The following MYCBP2 variants were observed in gnomAD, a reference collection of about 807,000 sequenced individuals.
The protein encoded by MYCBP2 is MYC binding protein 2.
A neutral mutation model predicts 525.3 loss-of-function variants in MYCBP2; 120 were observed. The ratio of observed to expected loss-of-function variants is 0.23; its 90% CI spans 0.20 to 0.27. The LOEUF (loss-of-function observed/expected upper bound fraction) is 0.27, where lower values mean the gene tolerates loss of function less well. Ranked by LOEUF, MYCBP2 falls within the 10% of genes least tolerant of loss-of-function variation. The pLI, the probability that MYCBP2 is intolerant of heterozygous loss-of-function variation, is 1.00. For synonymous variants in MYCBP2, 1,894 were observed against 1,955.8 expected (o/e 0.97, Z 0.83); for missense variants, 4,149 against 5,657.1 (o/e 0.73, Z 8.55).
intron 1 of MYCBP2, among the ~76,000 whole-genome samples, chr13:77,311,520 T>C (rs992344951): frequency 3.3e-5 from 5 of 151,122 alleles, no homozygotes; most frequent in Non-Finnish European, 7.4e-5. Flanking sequence ...GACAACTGAA[T>C]GGAATGGAAA....
At chr13:77,052,088 G>A (rs2036938195) in intron 80 of MYCBP2, among the ~76,000 whole-genome samples, 170 bp from the exon 81 acceptor site, 1 of 152,166 alleles carries the variant, frequency 6.6e-6, no homozygotes. Flanking sequence ...CTGACTGTAT[G>A]TAGGGTGGAT....
Position 77,294,131 on chromosome 13 carries a change from C to CACATATATATATATATATATATACAT in MYCBP2, c.378+2467_378+2468insATGTATATATATATATATATATATGT, listed in dbSNP as rs1555465826. Among the ~76,000 whole-genome samples, 143 of 65,706 alleles carry CACATATATATATATATATATATACAT rather than the reference C, an allele frequency of 2.2e-3. 8 individuals are homozygous for CACATATATATATATATATATATACAT. Among genetic ancestry groups the CACATATATATATATATATATATACAT allele is most frequent in the Non-Finnish European group, 3.5e-3 (118 of 33,396 alleles). 43.1% of individuals were successfully genotyped at this position (65,706 alleles called of 152,430 possible). ...ATATATATATATATATATATATATACATATATATATACATATATATAAAAT... is the reference window on the plus strand; with the variant it reads ...ATATATATATATATATATATATATACACATATATATATATATATATATACATATATATATATACATATATATAAAAT... On this transcript the variant is annotated intron_variant, in intron 2 of 82. Transcript: ENST00000544440.
intron 1 of MYCBP2, among the ~76,000 whole-genome samples, chr13:77,324,604 T>G (rs1174284188): frequency 6.6e-6 from 1 of 152,236 alleles, no homozygotes; most frequent in East Asian, 1.9e-4. Flanking sequence ...ATAATGCTGA[T>G]TTCCATGAGT....
intron 3 of MYCBP2, among the ~76,000 whole-genome samples, chr13:77,279,296 G>C (rs2075950584): frequency 6.6e-6 from 1 of 152,138 alleles, no homozygotes. Context: ...ATTATTTATA[G>C]TTGGTATCCC....
intron 52 of MYCBP2, among the ~76,000 whole-genome samples, chr13:77,138,483 C>T (rs1400245552): frequency 6.6e-6 from 1 of 152,184 alleles, no homozygotes; most frequent in South Asian, 2.1e-4. Flanking sequence ...AAATTTTACC[C>T]GTGCTATTTA....
intron 14 of MYCBP2, among the ~76,000 whole-genome samples, chr13:77,255,456 T>C (rs1173049477): frequency 6.6e-6 from 1 of 151,924 alleles, no homozygotes; most frequent in Non-Finnish European, 1.5e-5. Flanking sequence ...GTACGCTCAA[T>C]TTTCACAAGA....
chr13:77,286,789 A>AATGTCTATATATATATAT (rs2076860501), intron 3 of MYCBP2, among the ~76,000 whole-genome samples: 1 of 42,290 alleles, frequency 2.4e-5, no homozygotes, highest in Non-Finnish European at 3.8e-5. Context: ...AAAAAAAAAA[A>AATGTCTATATATATATAT]ATATATATAT....
chr13:77,190,360 A>G (rs1365826296), intron 28 of MYCBP2, 25 bp from the exon 29 acceptor site: 1 of 1,332,430 alleles, frequency 7.5e-7, no homozygotes, highest in Non-Finnish European at 1.1e-6. Flanking sequence ...CAATGATACC[A>G]AAAACAACAT....
chr13:77,243,162 T>C lies in MYCBP2; in HGVS notation c.2528-2A>G, dbSNP rs562407682. On this transcript the variant is annotated splice_acceptor_variant, in intron 16 of 82. Coordinates refer to ENST00000544440, the MANE Select transcript of MYCBP2 (RefSeq NM_015057.5). LOFTEE classifies it high-confidence loss of function. ...TGTTAACCCCGGGCACTGGGACAGC[T>C]AGATGATTGGCCAAAAACAACAACA... 2 of 1,612,530 alleles carry C rather than the reference T, an allele frequency of 1.2e-6. No individual in the cohort carries two copies. The highest frequency in any genetic ancestry group is 2.2e-5 in the South Asian group (2 of 91,048).
In MYCBP2 at chr13:77,205,245, A is replaced by G; in HGVS notation, c.3843+11T>C. The G allele has an allele frequency of 6.4e-7, 1 of 1,559,244 alleles. No homozygotes were observed. Among genetic ancestry groups the G allele is most frequent in the Non-Finnish European group, 8.7e-7 (1 of 1,150,620 alleles). ...CAAACAAAAAAGGACAACATTGTTGATGAACTTTACCTTAATTTTAGCAGT... is the reference window on the plus strand; with the variant it reads ...CAAACAAAAAAGGACAACATTGTTGGTGAACTTTACCTTAATTTTAGCAGT... On this transcript the variant is annotated intron_variant, in intron 26 of 82. Transcript: ENST00000544440.
chr13:77,265,759 A>C (rs2073978704), intron 8 of MYCBP2, among the ~76,000 whole-genome samples: 1 of 152,202 alleles, frequency 6.6e-6, no homozygotes, highest in Non-Finnish European at 1.5e-5. Flanking sequence ...CAAAGAAACA[A>C]GAAAATTACA....
intron 17 of MYCBP2, among the ~76,000 whole-genome samples, chr13:77,234,515 A>G (rs1369359958): frequency 2.6e-5 from 4 of 152,016 alleles, no homozygotes; most frequent in Non-Finnish European, 5.9e-5. Flanking sequence ...AGATATAAAC[A>G]AAAATGCAAA....
At chr13:77,258,578 C>G (rs1464117653) in intron 13 of MYCBP2, among the ~76,000 whole-genome samples, 1 of 152,132 alleles carries the variant, frequency 6.6e-6, no homozygotes, top group African/African-American at 2.4e-5. Flanking sequence ...AACTGTTCTA[C>G]ATTATTAGCT....
At chr13:77,048,174 T>G (rs2035987591) in intron 82 of MYCBP2, among the ~76,000 whole-genome samples, 1 of 152,016 alleles carries the variant, frequency 6.6e-6, no homozygotes, top group African/African-American at 2.4e-5. Context: ...AATCCATGAA[T>G]GGGATTAGTG....
rs566267030 is a variant in MYCBP2, at chr13:77,159,633, T to C, written c.6598-1524A>G. Among the ~76,000 whole-genome samples, 235 of 152,262 alleles carry C rather than the reference T, an allele frequency of 1.5e-3. 1 individual carries two copies. The highest frequency in any genetic ancestry group is 3.4e-3 in the Middle Eastern group (1 of 294). The stretch of plus-strand genomic sequence containing the variant: ...CTGTTTTCCTTACAATATCTGGTTG[T>C]TTGATAAGTGTGTAGGCCTTTCCCC... On this transcript the variant is annotated intron_variant, in intron 44 of 82. Coordinates refer to ENST00000544440, the MANE Select transcript of MYCBP2 (RefSeq NM_015057.5).
chr13:77,055,762 T>G lies in MYCBP2; in HGVS notation c.13443A>C (p.Lys4481Asn), dbSNP rs367687841. The change falls in exon 80 of 83, where the codon AAA (lysine) becomes AAC (asparagine). Residue 4481 changes from lysine (K) to asparagine (N), a missense_variant. Transcript: ENST00000544440. ...GFISCPICKN[K>N]INHIVLKDLL... is the part of the protein sequence containing the mutation. ...GGTCTTTTAGTACTATGTGATTAAT[T>G]TTGTTCTGCAATAAAAAATGAACAC... 1 of 1,608,552 alleles carries G rather than the reference T, an allele frequency of 6.2e-7. No homozygotes were observed. Among genetic ancestry groups the G allele is most frequent in the Non-Finnish European group, 8.5e-7 (1 of 1,176,790 alleles).
At chr13:77,113,132 T>A (rs1321815535) in intron 55 of MYCBP2, among the ~76,000 whole-genome samples, 1 of 152,192 alleles carries the variant, frequency 6.6e-6, no homozygotes, top group Non-Finnish European at 1.5e-5. Flanking sequence ...ATGTAACTCA[T>A]GTTATCCTTA....
intron 38 of MYCBP2, 47 bp downstream of exon 38, chr13:77,171,445 T>C: frequency 6.4e-7 from 1 of 1,569,770 alleles, no homozygotes; most frequent in Non-Finnish European, 8.7e-7. Context: ...AAAAATTTAG[T>C]GAATAAAGAA....
intron 14 of MYCBP2, among the ~76,000 whole-genome samples, chr13:77,255,408 C>T (rs534568368): frequency 2.9e-4 from 44 of 151,932 alleles, no homozygotes; most frequent in Admixed American, 1.3e-4. Flanking sequence ...TTGATTATTA[C>T]AAAATGTCAC....
Sources: allele counts gnomAD v4.1 joint callset (sites outside exome capture counted in the v4.1 genomes callset), GRCh38; gene constraint gnomAD v4.1.1; transcripts MANE v1.5; gene names NCBI Gene and HGNC (gene_info 2026-07-23, HGNC 2026-07-21).